Variants in LRIG2 observed in about 807,000 individuals in gnomAD.
LRIG2 encodes leucine-rich repeats and immunoglobulin-like domains protein 2.
Under a neutral mutation model 107.8 loss-of-function variants are expected in LRIG2, and 93 were observed. The observed-to-expected ratio is 0.86, with a 90% CI of 0.73 to 1.03. The LOEUF is 1.03. Ranked by LOEUF, LRIG2 falls within the 50% of genes least tolerant of loss-of-function variation. LRIG2 has a pLI of 0.00. For synonymous variants in LRIG2, 471 were observed against 470.6 expected (o/e 1.00, Z -0.01); for missense variants, 1,226 against 1,296.0 (o/e 0.95, Z 0.83).
At chr1:113,104,611 G>A (rs907626015) in intron 11 of LRIG2, among the ~76,000 whole-genome samples, 1 of 151,506 alleles carries the variant, frequency 6.6e-6, no homozygotes, top group East Asian at 1.9e-4. Flanking sequence ...TCTGCCTTCC[G>A]GGTTCAAGCA....
In LRIG2 at chr1:113,113,685, C is replaced by T. The variant is rs1480289220; in HGVS notation, c.2081-742C>T. 2.6e-5 allele frequency among the ~76,000 whole-genome samples: 4 copies of T among 151,900 alleles called. No homozygotes were observed. The East Asian group carries it at 5.8e-4, about 22-fold the overall frequency. On this transcript the variant is annotated intron_variant, in intron 14 of 17. Coordinates refer to ENST00000361127, the MANE Select transcript of LRIG2 (RefSeq NM_014813.3). Reference sequence around the variant, plus strand: ...TCAAGTGATTCTCCTGCCTCAGCCTCCTGAGTAGCTGGTACTACAGGCATG... The same window carrying T: ...TCAAGTGATTCTCCTGCCTCAGCCTTCTGAGTAGCTGGTACTACAGGCATG...
chr1:113,096,021 A>G lies in LRIG2; in HGVS notation c.947+4A>G, dbSNP rs1388091383. On this transcript the variant is annotated splice_donor_region_variant and intron_variant, in intron 7 of 17. Transcript: ENST00000361127. ...TCTGCCAAAGACTATCCGAACTGTA[A>G]GTGTTGGATAGCATTTCACTGGAGG... is the stretch of plus-strand genomic sequence containing the variant. 6.2e-7 allele frequency: 1 copy of G among 1,614,126 alleles called. No homozygotes were observed. Among genetic ancestry groups the G allele is most frequent in the Non-Finnish European group, 8.5e-7 (1 of 1,179,990 alleles).
intron 1 of LRIG2, among the ~76,000 whole-genome samples, chr1:113,090,951 A>G (rs1301435849): frequency 6.6e-6 from 1 of 151,674 alleles, no homozygotes; most frequent in Non-Finnish European, 1.5e-5. Flanking sequence ...TCCCGGGTTC[A>G]AGTAATTCTC....
chr1:113,125,437 C>A lies in LRIG2; in HGVS notation c.*1336C>A, dbSNP rs1287386662. On this transcript the variant is annotated 3_prime_UTR_variant, in exon 18 of 18. Coordinates refer to ENST00000361127, the MANE Select transcript of LRIG2 (RefSeq NM_014813.3). ...CTAGAGGAAAACTTGTTTGGAAATT[C>A]CTTTCATTTCCTCCCCCTCTCCCTC... 1 of 149,158 alleles carries A rather than the reference C, an allele frequency of 6.7e-6. No individual in the cohort carries two copies. Among genetic ancestry groups the A allele is most frequent in the Non-Finnish European group, 1.5e-5 (1 of 67,782 alleles). The allele number at this position is 149,158 out of a possible 1,614,324, so 9.2% of individuals were successfully genotyped here.
chr1:113,096,059 G>C, intron 7 of LRIG2, 42 bp downstream of exon 7: 2 of 1,611,676 alleles, frequency 1.2e-6, no homozygotes, highest in South Asian at 1.1e-5. Flanking sequence ...GTTAAGACTA[G>C]AGCAGATTGG....
At chr1:113,109,201 TTC>T (rs1456378631) in intron 12 of LRIG2, among the ~76,000 whole-genome samples, 1 of 152,234 alleles carries the variant, frequency 6.6e-6, no homozygotes, top group African/African-American at 2.4e-5. Flanking sequence ...CATATATTTC[TTC>T]CTCCCCTTCC....
At position 113,116,297 on chromosome 1, in the gene LRIG2, T is replaced by C; in HGVS notation, c.2541T>C (p.Asn847=). The C allele has an allele frequency of 6.2e-7, 1 of 1,612,650 alleles. No individual in the cohort carries two copies. The change falls in exon 16 of 18, where the codon AAT becomes AAC. Residue 847 remains asparagine, a synonymous_variant. Coordinates refer to ENST00000361127, the MANE Select transcript of LRIG2 (RefSeq NM_014813.3). ...ATGTCTCTTTTACAGAGGAGCTCAA[T>C]CTGCCTGCAGACATTCCCAGCTACT... ...DYSITNTEEL[N]LPADIPSYLS... is the part of the protein sequence containing the mutation.
chr1:113,098,721 G>A lies in LRIG2; in HGVS notation c.1108G>A (p.Glu370Lys). 1 of 1,612,006 alleles carries A rather than the reference G, an allele frequency of 6.2e-7. No individual in the cohort carries two copies. Among genetic ancestry groups the A allele is most frequent in the Non-Finnish European group, 8.5e-7 (1 of 1,178,268 alleles). The change falls in exon 9 of 18, where the codon GAA becomes AAA. Residue 370 changes from glutamate to lysine, a missense_variant. This residue lies in a region of LRIG2 where 570 missense variants were observed against 550.2 expected (regional missense o/e 1.04). Coordinates refer to ENST00000361127, the MANE Select transcript of LRIG2 (RefSeq NM_014813.3). Reference protein sequence around the residue: ...NLQTLDLRNNEISWAIEDASE... With the variant: ...NLQTLDLRNNKISWAIEDASE... ...TTTTTGTAGAGACTTAAGAAACAAT[G>A]AAATTTCATGGGCCATAGAAGATGC...
chr1:113,102,474 G>A (rs974180686), intron 11 of LRIG2, among the ~76,000 whole-genome samples: 1 of 151,844 alleles, frequency 6.6e-6, no homozygotes, highest in African/African-American at 2.4e-5. Context: ...GTTTCACTGT[G>A]TTAGCCAGGA....
rs1243739493 is a variant in LRIG2 at position 113,128,288 on chromosome 1, A to G, written c.*4187A>G. The stretch of plus-strand genomic sequence containing the variant: ...AACTTCCTAAAGATCACAATTTCCT[A>G]TCCCTTCAATCTGCGATCCCTCTTC... On this transcript the variant is annotated 3_prime_UTR_variant, in exon 18 of 18. Coordinates refer to ENST00000361127, the MANE Select transcript of LRIG2 (RefSeq NM_014813.3). 6.6e-6 allele frequency: 1 copy of G among 152,044 alleles called. No individual in the cohort carries two copies. The highest frequency in any genetic ancestry group is 1.5e-5 in the Non-Finnish European group (1 of 68,000). The allele number at this position is 152,044 out of a possible 1,614,324, so 9.4% of individuals were successfully genotyped here. A position where few individuals can be genotyped will look rare whatever the true frequency, so the allele number is the denominator to read the frequency against.
At chr1:113,079,008 T>C (rs183452296) in intron 1 of LRIG2, among the ~76,000 whole-genome samples, 37 of 152,270 alleles carry the variant, frequency 2.4e-4, no homozygotes, top group African/African-American at 8.9e-4. Context: ...AATGTGAAAG[T>C]AATCTACTTT....
At chr1:113,109,717 C>T (rs973475903) in intron 12 of LRIG2, among the ~76,000 whole-genome samples, 3 of 152,062 alleles carry the variant, frequency 2.0e-5, no homozygotes, top group African/African-American at 7.2e-5. Context: ...CGGGGTTTCG[C>T]CGTGTTGGTC....
intron 1 of LRIG2, among the ~76,000 whole-genome samples, chr1:113,087,682 G>A (rs1257492991): frequency 6.6e-6 from 1 of 152,078 alleles, no homozygotes; most frequent in Non-Finnish European, 1.5e-5. Context: ...TCTGTCTTTT[G>A]GGAGGTACTT....
At chr1:113,115,653 G>A (rs758095110) in intron 15 of LRIG2, among the ~76,000 whole-genome samples, 2 of 151,596 alleles carry the variant, frequency 1.3e-5, no homozygotes, top group South Asian at 2.1e-4. Context: ...TCAGCCTCCC[G>A]AGTAGCTGGG....
At chr1:113,118,287 G>T (rs1655101746) in intron 16 of LRIG2, among the ~76,000 whole-genome samples, 1 of 152,168 alleles carries the variant, frequency 6.6e-6, no homozygotes, top group South Asian at 2.1e-4. Context: ...TCATCATTCA[G>T]TTTTCAAAGC....
chr1:113,086,326 A>T (rs1321902514), intron 1 of LRIG2, among the ~76,000 whole-genome samples: 1 of 152,122 alleles, frequency 6.6e-6, no homozygotes, highest in Non-Finnish European at 1.5e-5. Flanking sequence ...TTAAAACTAA[A>T]TTATGCTAGG....
In LRIG2 at chr1:113,073,474, G is replaced by C. The variant is rs568192882; in HGVS notation, c.68G>C (p.Arg23Pro). The C allele has an allele frequency of 1.1e-5, 17 of 1,614,128 alleles. No individual in the cohort carries two copies. The South Asian group carries it at 1.9e-4, about 18-fold the overall frequency. Residue 23 changes from arginine to proline, a missense_variant, in exon 1 of 18, where the codon CGG (arginine) becomes CCG (proline). Physicochemically the swap from Arg to Pro is moderately radical, Grantham distance 103. This residue lies in a region of LRIG2 where 570 missense variants were observed against 550.2 expected (regional missense o/e 1.04). Coordinates refer to ENST00000361127, the MANE Select transcript of LRIG2 (RefSeq NM_014813.3). ...LLGCRSRVLS[R>P]LLFIAQTALL... Reference sequence around the variant, plus strand: ...GGGTGTCGATCTAGAGTGCTTTCTCGGTTACTCTTCATTGCCCAGACCGCT... The same window carrying C: ...GGGTGTCGATCTAGAGTGCTTTCTCCGTTACTCTTCATTGCCCAGACCGCT...
rs943927049 is a variant in LRIG2, at chr1:113,130,694, T to C, written c.*6593T>C. The C allele has an allele frequency of 1.1e-4, 16 of 152,178 alleles. No homozygotes were observed. The allele number at this position is 152,178 out of a possible 1,614,324, so 9.4% of individuals were successfully genotyped here. ...GAAATCCCCAGAAGCAATCTGATAG[T>C]CTTAAAACTTTGTCCTTTCTAAGTC... On this transcript the variant is annotated 3_prime_UTR_variant, in exon 18 of 18. Transcript: ENST00000361127.
intron 6 of LRIG2, among the ~76,000 whole-genome samples, chr1:113,094,984 A>AT (rs33950364): frequency 0.013 from 1,863 of 139,750 alleles, 41 homozygotes; most frequent in African/African-American, 0.044. Context: ...ATATATATAT[A>AT]TTTTTTTTGA....
Sources: gnomAD v4.1 joint callset for allele counts (sites outside exome capture counted in the v4.1 genomes callset) on GRCh38, gnomAD v4.1.1 for gene constraint, gnomAD v4.1.1 regional missense constraint, MANE v1.5 for transcripts, NCBI Gene and HGNC (gene_info 2026-07-23, HGNC 2026-07-21) for gene names.